ACTR2: variants seen among roughly 807,000 people sequenced by gnomAD.
ACTR2 encodes the protein actin-related protein 2.
In ACTR2, 5 loss-of-function variants were observed where a neutral mutation model predicts 50.2. The ratio of observed to expected loss-of-function variants is 0.10; its 90% confidence interval spans 0.05 to 0.21. The LOEUF (loss-of-function observed/expected upper bound fraction) is 0.21, where lower values mean the gene tolerates loss of function less well. Among genes scored for constraint, ACTR2 ranks in the 10% least tolerant of loss-of-function variants. The pLI is 1.00. For missense variants in ACTR2, 180 were observed against 480.6 expected (o/e 0.37, Z 5.85); for synonymous variants, 140 against 162.9 (o/e 0.86, Z 1.07).
chr2:65,248,353 T>G (rs1023876888), intron 3 of ACTR2, among the ~76,000 whole-genome samples: 1 of 151,766 alleles, frequency 6.6e-6, no homozygotes, highest in African/African-American at 2.4e-5. Flanking sequence ...TGAGCCGAGA[T>G]TACACCACTG....
At chr2:65,251,220 C>T in intron 4 of ACTR2, 121 bp downstream of exon 4, 1 of 487,736 alleles carries the variant, frequency 2.1e-6, no homozygotes, top group East Asian at 3.4e-5. Flanking sequence ...TATTTATATA[C>T]CACACTTTGA....
intron 2 of ACTR2, chr2:65,241,955 A>G: frequency 2.0e-6 from 3 of 1,510,182 alleles, no homozygotes; most frequent in Non-Finnish European, 2.7e-6. Context: ...TATTGCTTGT[A>G]TGTTTAAACA....
chr2:65,253,971 G>C (rs1573162374), intron 5 of ACTR2, 107 bp downstream of exon 5: 1 of 887,026 alleles, frequency 1.1e-6, no homozygotes, highest in East Asian at 2.7e-5. Context: ...TGTACCACTA[G>C]AGAAATTATC....
At chr2:65,229,763 A>AG (rs1354323368) in intron 1 of ACTR2, among the ~76,000 whole-genome samples, 19 of 150,762 alleles carry the variant, frequency 1.3e-4, no homozygotes, top group Non-Finnish European at 2.7e-4. Context: ...AAAAAAAAAA[A>AG]AAAAAAAAGA....
chr2:65,266,622 G>C (rs1360684203), intron 8 of ACTR2, among the ~76,000 whole-genome samples: 1 of 152,106 alleles, frequency 6.6e-6, no homozygotes, highest in African/African-American at 2.4e-5. Flanking sequence ...CATTAAGTCT[G>C]GTGTGGTGAA....
intron 4 of ACTR2, among the ~76,000 whole-genome samples, chr2:65,252,248 A>C (rs1261669304): frequency 6.6e-6 from 1 of 151,028 alleles, no homozygotes. Context: ...TCTTTTTTGC[A>C]ATGGAAATCC....
chr2:65,228,736 A>G (rs756081402), intron 1 of ACTR2, among the ~76,000 whole-genome samples: 18 of 152,114 alleles, frequency 1.2e-4, no homozygotes, highest in African/African-American at 3.9e-4. Context: ...TCGTTTCAGT[A>G]TACAGGTAAT....
intron 3 of ACTR2, among the ~76,000 whole-genome samples, chr2:65,248,596 TAGTG>T (rs1558624239): frequency 6.6e-6 from 1 of 152,034 alleles, no homozygotes; most frequent in African/African-American, 2.4e-5. Flanking sequence ...GTAGTAGAGA[TAGTG>T]AGAAATTACC....
At chr2:65,263,117 T>G (rs1424384580) in intron 7 of ACTR2, among the ~76,000 whole-genome samples, 1 of 151,612 alleles carries the variant, frequency 6.6e-6, no homozygotes, top group Admixed American at 6.6e-5. Context: ...CTCGGCTCAC[T>G]GCAACCTGGG....
At chr2:65,262,448 C>G (rs1672286329) in intron 7 of ACTR2, among the ~76,000 whole-genome samples, 1 of 149,954 alleles carries the variant, frequency 6.7e-6, no homozygotes, top group Admixed American at 6.7e-5. Flanking sequence ...GCCGTATTGA[C>G]CAGGCTGGTC....
rs188309869 is a variant in ACTR2, at chr2:65,262,441, G to A, written c.881+1049G>A. On this transcript the variant is annotated intron_variant, in intron 7 of 8. Transcript: ENST00000260641. Reference sequence around the variant, plus strand: ...TTTTTAGTAGAGATGGGGTTTTGCCGTATTGACCAGGCTGGTCTCGAACTC... The same window carrying A: ...TTTTTAGTAGAGATGGGGTTTTGCCATATTGACCAGGCTGGTCTCGAACTC... Among the ~76,000 whole-genome samples, 49 of 148,076 alleles carry A rather than the reference G, an allele frequency of 3.3e-4. No homozygotes were observed. In the East Asian group the frequency reaches 6.5e-3, roughly 20 times the overall value.
Position 65,265,049 on chromosome 2 carries a change from A to G in ACTR2, c.888A>G (p.Glu296=). The G allele has an allele frequency of 6.2e-7, 1 of 1,614,178 alleles. No individual in the cohort carries two copies. The highest frequency in any genetic ancestry group is 8.5e-7 in the Non-Finnish European group (1 of 1,180,022). The part of the protein sequence containing the change: ...IQAADIDTRS[E]FYKHIVLSGG... ...AACCATTGTGCCTTTCTAGATCTGA[A>G]TTCTACAAACACATTGTGCTTTCTG... Residue 296 remains glutamate (E), a synonymous_variant, in exon 8 of 9, where the codon GAA becomes GAG. Coordinates refer to ENST00000260641, the MANE Select transcript of ACTR2 (RefSeq NM_005722.4).
intron 6 of ACTR2, among the ~76,000 whole-genome samples, chr2:65,259,512 TG>T (rs1286052637): frequency 1.3e-5 from 2 of 152,122 alleles, no homozygotes; most frequent in Non-Finnish European, 1.5e-5. Flanking sequence ...GCAGATCACT[TG>T]AGGCCAGGAG....
Position 65,268,751 on chromosome 2 carries a change from C to G in ACTR2, c.*17C>G. On this transcript the variant is annotated 3_prime_UTR_variant, in exon 9 of 9. Transcript: ENST00000260641. ...GTTCGATAAACTCCAAAGCTTGTTCCCGTCATACCCGTAATGCTTTCTTTT... is the reference window on the plus strand; with the variant it reads ...GTTCGATAAACTCCAAAGCTTGTTCGCGTCATACCCGTAATGCTTTCTTTT... 1 of 1,608,370 alleles carries G rather than the reference C, an allele frequency of 6.2e-7. No homozygotes were observed. The highest frequency in any genetic ancestry group is 8.5e-7 in the Non-Finnish European group (1 of 1,177,146).
chr2:65,230,970 C>A lies in ACTR2; in HGVS notation c.48+3013C>A, dbSNP rs1367786361. ...TTGGGAGGCTGAGGCAGGAGAATTA[C>A]TTGTACCTGGGAGGCAGAGGTTGCA... is the stretch of plus-strand genomic sequence containing the variant. On this transcript the variant is annotated intron_variant, in intron 1 of 8. Transcript: ENST00000260641. Among the ~76,000 whole-genome samples, 6 of 151,530 alleles carry A rather than the reference C, an allele frequency of 4.0e-5. No individual in the cohort carries two copies. In the South Asian group the frequency reaches 8.3e-4, roughly 21 times the overall value.
At chr2:65,228,038 G>C in intron 1 of ACTR2, 81 bp downstream of exon 1, 1 of 1,336,904 alleles carries the variant, frequency 7.5e-7, no homozygotes, top group Non-Finnish European at 9.8e-7. Flanking sequence ...TCGGCCCCCA[G>C]GGCTGCACCT....
intron 1 of ACTR2, 66 bp downstream of exon 1, chr2:65,228,023 G>A (rs1297457460): frequency 2.1e-6 from 3 of 1,431,704 alleles, no homozygotes; most frequent in East Asian, 3.0e-5. Flanking sequence ...CTGGCGCACG[G>A]GCCCTCGGCC....
intron 8 of ACTR2, 156 bp downstream of exon 8, chr2:65,265,331 G>T: frequency 1.2e-6 from 1 of 861,612 alleles, no homozygotes; most frequent in Admixed American, 2.0e-5. Context: ...GAAGGAAATA[G>T]TTCAAGATAA....
intron 1 of ACTR2, 75 bp downstream of exon 1, chr2:65,228,032 C>A: frequency 7.3e-7 from 1 of 1,378,228 alleles, no homozygotes; most frequent in Non-Finnish European, 9.5e-7. Flanking sequence ...GGGCCCTCGG[C>A]CCCCAGGGCT....
Sources: gnomAD v4.1 joint callset for allele counts (sites outside exome capture counted in the v4.1 genomes callset) on GRCh38, gnomAD v4.1.1 for gene constraint, MANE v1.5 for transcripts, NCBI Gene and HGNC (gene_info 2026-07-23, HGNC 2026-07-21) for gene names.